The following HELZ2 variants were observed in gnomAD, a reference collection of about 807,000 sequenced individuals.
HELZ2 encodes the protein helicase with zinc finger 2.
A neutral mutation model predicts 208.8 loss-of-function variants in HELZ2; 143 were observed. That is an observed-to-expected ratio of 0.68 (90% confidence interval 0.60 to 0.79). HELZ2 has a LOEUF of 0.79. Ranked by LOEUF, HELZ2 falls within the 30% of genes least tolerant of loss-of-function variation. The pLI is 0.00. For missense variants in HELZ2, 3,690 were observed against 3,794.5 expected, an observed-to-expected ratio of 0.97 and a Z score of 0.72; for synonymous variants, 1,705 against 1,693.7, an observed-to-expected ratio of 1.01 and a Z score of -0.16.
At chr20:63,569,208 C>G in exon 4 of HELZ2, 1 of 1,554,456 alleles carries the variant, frequency 6.4e-7, no homozygotes, top group Non-Finnish European at 8.7e-7. Flanking sequence ...CATCCTCTGC[C>G]GATAGTTGGT....
rs371169419 is a variant in HELZ2, at chr20:63,565,986, G to A, written c.2836C>T (p.Leu946=). 7 of 1,598,484 alleles carry A rather than the reference G, an allele frequency of 4.4e-6. No individual in the cohort carries two copies. In the African/African-American group the frequency reaches 8.0e-5, roughly 18 times the overall value. The stretch of plus-strand genomic sequence containing the variant: ...CCCTGCTCGACCTGCTCCATGGACA[G>A]GCCCTCGGGGCAGACACTGTGCCGC... The change falls in exon 8 of 19, where the codon CTG becomes TTG. Residue 946 remains leucine, a synonymous_variant. Coordinates refer to ENST00000467148, the Ensembl canonical transcript of HELZ2.
chr20:63,562,148 G>A (rs2082895341), exon 10 of HELZ2: 2 of 1,612,100 alleles, frequency 1.2e-6, no homozygotes, highest in Non-Finnish European at 1.7e-6. Context: ...GGTTCAGCTT[G>A]TGGCGGCCTC....
chr20:63,569,223 G>GCA lies in HELZ2; in HGVS notation c.1012_1013insTG (p.Ser338LeufsTer28). 6.4e-7 allele frequency: 1 copy of GCA among 1,555,488 alleles called. No individual in the cohort carries two copies. Among genetic ancestry groups the GCA allele is most frequent in the Non-Finnish European group, 8.7e-7 (1 of 1,151,286 alleles). On this transcript the variant is annotated frameshift_variant, in exon 4 of 19. Transcript: ENST00000467148. LOFTEE classifies it high-confidence loss of function. Reference sequence around the variant, plus strand: ...CATCCTCTGCCGATAGTTGGTTGGTGAGATGGGGCCCGAGGCCACGCTGCT... The same window carrying GCA: ...CATCCTCTGCCGATAGTTGGTTGGTGCAAGATGGGGCCCGAGGCCACGCTGCT...
exon 1 of HELZ2, chr20:63,572,454 A>C: frequency 1.4e-6 from 2 of 1,417,088 alleles, no homozygotes; most frequent in South Asian, 1.5e-5. Flanking sequence ...CGCCCCACAA[A>C]CCTGCAGTAG....
At chr20:63,571,988 T>C (rs2083019903) in intron 1 of HELZ2, 120 bp downstream of exon 2, 9 of 1,219,838 alleles carry the variant, frequency 7.4e-6, no homozygotes, top group Non-Finnish European at 1.0e-5. Flanking sequence ...TCCAAGCTCC[T>C]GGGAGCCTCT....
rs372169360 is a variant in HELZ2, at chr20:63,572,368, G to A, written c.18C>T (p.Ala6=). The change falls in exon 1 of 19, where the codon GCC becomes GCT. Residue 6 remains alanine, a synonymous_variant. Transcript: ENST00000467148. ...CCCGCTGGAGGCCACCCAGCTGCTC[G>A]GCCTCCCACACAGCCATCTCCACGG... 568 of 1,548,026 alleles carry A rather than the reference G, an allele frequency of 3.7e-4. 2 individuals are homozygous for A. The African/African-American group carries it at 5.8e-3, about 16-fold the overall frequency.
upstream of HELZ2, among the ~76,000 whole-genome samples, chr20:63,574,015 G>A (rs984856752): frequency 1.3e-4 from 19 of 151,942 alleles, no homozygotes; most frequent in Non-Finnish European, 2.8e-4. Flanking sequence ...GCACTGCCCC[G>A]GGCTGGGTCT....
chr20:63,559,524 CAG>C lies in HELZ2; in HGVS notation c.7826-156_7826-155del, dbSNP rs1285745005. Among the ~76,000 whole-genome samples, 10 of 41,668 alleles carry C rather than the reference CAG, an allele frequency of 2.4e-4. 1 individual carries two copies. In the East Asian group the frequency reaches 0.012, roughly 52 times the overall value. 27.3% of individuals were successfully genotyped at this position (41,668 alleles called of 152,430 possible). On this transcript the variant is annotated intron_variant, in intron 18 of 18. Coordinates refer to ENST00000467148, the Ensembl canonical transcript of HELZ2. Reference sequence around the variant, plus strand: ...GAGTCAGGGTCAGATGGGAGTCAGTCAGAGTCAGGTGGGAGGAGTCAGGGTCA... The same window carrying C: ...GAGTCAGGGTCAGATGGGAGTCAGTCAGTCAGGTGGGAGGAGTCAGGGTCA...
At chr20:63,564,193 G>T (rs547243901) in exon 8 of HELZ2, 1 of 1,611,524 alleles carries the variant, frequency 6.2e-7, no homozygotes, top group Non-Finnish European at 8.5e-7. Context: ...GCGTGCACTC[G>T]CTGCCCACCA....
chr20:63,568,852 G>A (rs1288605171), exon 5 of HELZ2: 1 of 1,612,240 alleles, frequency 6.2e-7, no homozygotes, highest in Non-Finnish European at 8.5e-7. Flanking sequence ...TGACCGCCCG[G>A]CCCAGCAGGA....
intron 16 of HELZ2, 58 bp downstream of exon 17, chr20:63,560,421 C>G: frequency 6.3e-7 from 1 of 1,594,980 alleles, no homozygotes; most frequent in Non-Finnish European, 8.5e-7. Context: ...CAGACACTCA[C>G]CACCTCAGCC....
chr20:63,560,804 C>A, exon 15 of HELZ2: 1 of 1,612,100 alleles, frequency 6.2e-7, no homozygotes, highest in Middle Eastern at 1.6e-4. Context: ...CCATGCGGTA[C>A]TGAGTGTCCA....
exon 2 of HELZ2, chr20:63,570,691 G>A: frequency 7.5e-7 from 1 of 1,333,280 alleles, no homozygotes; most frequent in Non-Finnish European, 1.0e-6. Context: ...TTACCACAAG[G>A]ACCTCACTGC....
chr20:63,562,475 C>A (rs746581113), intron 8 of HELZ2, 45 bp downstream of exon 9: 2 of 1,529,040 alleles, frequency 1.3e-6, no homozygotes, highest in Non-Finnish European at 8.8e-7. Flanking sequence ...GTGAGGGGCC[C>A]GGGGCGGTCC....
At chr20:63,560,410 CCAGA>C (rs2082872963) in intron 16 of HELZ2, 65 bp downstream of exon 17, 1 of 1,592,680 alleles carries the variant, frequency 6.3e-7, no homozygotes. Flanking sequence ...CTCACAAGCA[CCAGA>C]CACTCACCAC....
rs772356088 is a variant in HELZ2 at position 63,565,184 on chromosome 20, G to A, written c.3638C>T (p.Pro1213Leu). The change falls in exon 8 of 19, where the codon CCG becomes CTG. Residue 1213 changes from proline (P) to leucine (L), a missense_variant. Physicochemically the swap from Pro to Leu is moderately conservative, Grantham distance 98. Around this residue, in one of 3 missense-constraint regions of HELZ2, gnomAD observed 2,564 missense variants for 2,580.5 expected, o/e 0.99. Transcript: ENST00000467148. ...GCCATTGATGGGGACCATGATGCGCGGGTCCCACGTGTCCATGCGGCACAC... is the reference window on the plus strand; with the variant it reads ...GCCATTGATGGGGACCATGATGCGCAGGTCCCACGTGTCCATGCGGCACAC... The A allele has an allele frequency of 6.9e-6, 11 of 1,605,068 alleles. No individual in the cohort carries two copies. The highest frequency in any genetic ancestry group is 3.3e-5 in the South Asian group (3 of 89,752).
At chr20:63,567,741 G>A in intron 5 of HELZ2, 114 bp from the exon 7 acceptor site, 2 of 1,474,454 alleles carry the variant, frequency 1.4e-6, no homozygotes, top group Non-Finnish European at 1.8e-6. Flanking sequence ...TTGTCTGGCT[G>A]TCAGAGGTGA....
At chr20:63,569,506 C>A (rs1445229504) in exon 4 of HELZ2, 1 of 1,610,964 alleles carries the variant, frequency 6.2e-7, no homozygotes, top group Admixed American at 1.7e-5. Flanking sequence ...CCGAACGAGG[C>A]AGCCTGCACA....
At chr20:63,568,321 G>T in intron 5 of HELZ2, 37 bp downstream of exon 6, 1 of 1,495,812 alleles carries the variant, frequency 6.7e-7, no homozygotes, top group Non-Finnish European at 9.3e-7. Flanking sequence ...TGGGCCGGGC[G>T]TCAGGTGAGG....
Sources: allele counts gnomAD v4.1 joint callset (sites outside exome capture counted in the v4.1 genomes callset), GRCh38; gene constraint gnomAD v4.1.1; regional missense constraint gnomAD v4.1.1; transcripts MANE v1.5; gene names NCBI Gene and HGNC (gene_info 2026-07-23, HGNC 2026-07-21).